The following TESK2 variants were observed in gnomAD, a reference collection of about 807,000 sequenced individuals.
The protein encoded by TESK2 is testis associated actin remodelling kinase 2.
A neutral mutation model predicts 57.1 loss-of-function variants in TESK2; 39 were observed. That is an observed-to-expected ratio of 0.68 (90% confidence interval 0.53 to 0.89). The LOEUF is 0.89. TESK2 is among the 40% of genes least tolerant of loss of function. TESK2 has a pLI of 0.00. For synonymous variants in TESK2, 249 were observed against 267.9 expected, an observed-to-expected ratio of 0.93 and a Z score of 0.69; for missense variants, 646 against 732.1, an observed-to-expected ratio of 0.88 and a Z score of 1.36.
intron 4 of TESK2, among the ~76,000 whole-genome samples, chr1:45,373,413 T>C (rs568015059): frequency 6.6e-6 from 1 of 152,380 alleles, no homozygotes; most frequent in East Asian, 1.9e-4. Flanking sequence ...ATTCACTATA[T>C]TAATACTTTT....
chr1:45,450,943 C>T (rs1651847094), intron 2 of TESK2, among the ~76,000 whole-genome samples: 1 of 152,120 alleles, frequency 6.6e-6, no homozygotes, highest in Admixed American at 6.6e-5. Flanking sequence ...GCTGGGGTTA[C>T]AGGTGTAAGC....
At chr1:45,405,039 C>T (rs915808922) in intron 3 of TESK2, among the ~76,000 whole-genome samples, 6 of 152,180 alleles carry the variant, frequency 3.9e-5, no homozygotes, top group Middle Eastern at 3.4e-3. Context: ...GATTTAGTGC[C>T]TTTGTACTGT....
chr1:45,358,155 T>C (rs1401786357), intron 4 of TESK2, among the ~76,000 whole-genome samples: 1 of 149,122 alleles, frequency 6.7e-6, no homozygotes, highest in Non-Finnish European at 1.5e-5. Flanking sequence ...CTACTAAAAA[T>C]ACAAAAAATT....
intron 2 of TESK2, among the ~76,000 whole-genome samples, chr1:45,444,185 A>G (rs1651560474): frequency 6.6e-6 from 1 of 151,858 alleles, no homozygotes. Flanking sequence ...TTAAAAAAAA[A>G]AAAAAAAGGC....
In TESK2 at chr1:45,386,560, G is replaced by A. The variant is rs1210290310; in HGVS notation, c.345-600C>T. Among the ~76,000 whole-genome samples, 16 of 152,096 alleles carry A rather than the reference G, an allele frequency of 1.1e-4. No homozygotes were observed. In the East Asian group the frequency reaches 3.1e-3, roughly 29 times the overall value. ...TTTCAAGAGTTTTAGGGGTACAGGT[G>A]GTTTTTGGTTATATGGATTAGTTTT... On this transcript the variant is annotated intron_variant, in intron 3 of 10. Coordinates refer to ENST00000372086, the MANE Select transcript of TESK2 (RefSeq NM_007170.3).
intron 1 of TESK2, among the ~76,000 whole-genome samples, chr1:45,485,727 G>C (rs1225161235): frequency 6.8e-6 from 1 of 147,672 alleles, no homozygotes; most frequent in Non-Finnish European, 1.5e-5. Context: ...CACCATCTTG[G>C]CCAGGCTGGT....
rs1553147554 is a variant in TESK2, at chr1:45,384,613, T to TATTA, written c.393+1298_393+1299insTAAT. Among the ~76,000 whole-genome samples, 84 of 135,566 alleles carry TATTA rather than the reference T, an allele frequency of 6.2e-4. 2 individuals are homozygous for TATTA. The highest frequency in any genetic ancestry group is 2.2e-3 in the South Asian group (9 of 4,010). The allele number at this position is 135,566 out of a possible 152,430, so 88.9% of individuals were successfully genotyped here. On this transcript the variant is annotated intron_variant, in intron 4 of 10. Transcript: ENST00000372086. ...TATTAATTTTTTTTTTTTTTTTTTTTTTTTTTTTTTTTTGTAGAGACAGAG... is the reference window on the plus strand; with the variant it reads ...TATTAATTTTTTTTTTTTTTTTTTTTATTATTTTTTTTTTTTTGTAGAGACAGAG...
chr1:45,421,827 C>A lies in TESK2; in HGVS notation c.242G>T (p.Gly81Val). ...EVFKVRHRAS[G>V]QVMALKMNTL... ...GTTCATCTTAAGAGCCATCACCTGA[C>A]CAGAAGCTCGGTGTCGTACCTAGAA... Residue 81 changes from glycine to valine, a missense_variant, in exon 3 of 11, where the codon GGT (glycine) becomes GTT (valine). Physicochemically the swap from Gly to Val is moderately radical, Grantham distance 109. Transcript: ENST00000372086. The A allele has an allele frequency of 6.2e-7, 1 of 1,613,970 alleles. No homozygotes were observed. Among genetic ancestry groups the A allele is most frequent in the Non-Finnish European group, 8.5e-7 (1 of 1,179,984 alleles).
Position 45,419,949 on chromosome 1 carries a change from TCCATAATTTAATA to T in TESK2, c.344+1763_344+1775del, listed in dbSNP as rs1650405051. On this transcript the variant is annotated intron_variant, in intron 3 of 10. Transcript: ENST00000372086. ...TTTCAAGTAAGCAGTATAATTTAATTCCATAATTTAATACCATTGACCAAACATGTAAGTCATA... is the reference window on the plus strand; with the variant it reads ...TTTCAAGTAAGCAGTATAATTTAATTCCATTGACCAAACATGTAAGTCATA... Among the ~76,000 whole-genome samples the T allele has an allele frequency of 1.3e-5, 2 of 152,232 alleles. 1 individual carries two copies. The highest frequency in any genetic ancestry group is 4.1e-4 in the South Asian group (2 of 4,832).
chr1:45,375,329 A>G lies in TESK2; in HGVS notation c.393+10583T>C, dbSNP rs1648357100. On this transcript the variant is annotated intron_variant, in intron 4 of 10. Coordinates refer to ENST00000372086, the MANE Select transcript of TESK2 (RefSeq NM_007170.3). ...CACATCACCCACCTTGGAGTTATTC[A>G]ACCAGACCAGGCACACTTCTGCCTC... is the stretch of plus-strand genomic sequence containing the variant. Among the ~76,000 whole-genome samples the G allele has an allele frequency of 2.0e-5, 3 of 151,918 alleles. No individual in the cohort carries two copies. In the South Asian group the frequency reaches 6.2e-4, roughly 31 times the overall value.
At chr1:45,406,177 G>A (rs1338930805) in intron 3 of TESK2, among the ~76,000 whole-genome samples, 6 of 152,176 alleles carry the variant, frequency 3.9e-5, no homozygotes, top group Non-Finnish European at 8.8e-5. Flanking sequence ...GCTGCAATGA[G>A]CTGTGATCAT....
intron 2 of TESK2, among the ~76,000 whole-genome samples, chr1:45,452,964 G>T (rs1323191258): frequency 6.6e-6 from 1 of 151,756 alleles, no homozygotes; most frequent in Non-Finnish European, 1.5e-5. Context: ...GGATGGGAGA[G>T]TCACTTGAGT....
At chr1:45,484,517 CTT>C (rs1284728221) in intron 1 of TESK2, among the ~76,000 whole-genome samples, 14 of 150,918 alleles carry the variant, frequency 9.3e-5, no homozygotes, top group South Asian at 2.1e-4. Flanking sequence ...GGGCAGATCA[CTT>C]GAGGTCAGGA....
chr1:45,453,607 A>G (rs1201640735), intron 2 of TESK2, among the ~76,000 whole-genome samples: 2 of 152,184 alleles, frequency 1.3e-5, no homozygotes, highest in Non-Finnish European at 2.9e-5. Context: ...AACATTGTGG[A>G]AAATCTTCAT....
chr1:45,346,884 CAG>C (rs2149262567), intron 8 of TESK2, 93 bp downstream of exon 8: 2 of 1,545,136 alleles, frequency 1.3e-6, no homozygotes, highest in Non-Finnish European at 1.8e-6. Context: ...CAACCAGCAA[CAG>C]AGAGTTCCAG....
intron 4 of TESK2, among the ~76,000 whole-genome samples, chr1:45,367,200 G>C (rs1570655021): frequency 6.6e-6 from 1 of 151,946 alleles, no homozygotes. Context: ...ACAAAGAAAG[G>C]CTCAGGCAAA....
At chr1:45,479,618 TTTTA>T (rs1186169439) in intron 1 of TESK2, among the ~76,000 whole-genome samples, 3 of 151,510 alleles carry the variant, frequency 2.0e-5, no homozygotes. Context: ...TATTATTCTA[TTTTA>T]TTTAATTCAG....
In TESK2 at chr1:45,485,522, T is replaced by A. The variant is rs1653436419; in HGVS notation, c.-87+5330A>T. The stretch of plus-strand genomic sequence containing the variant: ...TGTTATATAAATTTATTTTTTATTT[T>A]ATTTTTTTTTTTTTGAGACGGAGTC... On this transcript the variant is annotated intron_variant, in intron 1 of 10. Coordinates refer to ENST00000372086, the MANE Select transcript of TESK2 (RefSeq NM_007170.3). Among the ~76,000 whole-genome samples, 2 of 76,014 alleles carry A rather than the reference T, an allele frequency of 2.6e-5. 1 individual carries two copies. Among genetic ancestry groups the A allele is most frequent in the African/African-American group, 1.2e-4 (2 of 16,336 alleles). 49.9% of individuals were successfully genotyped at this position (76,014 alleles called of 152,430 possible).
In TESK2 at chr1:45,347,710, T is replaced by C. The variant is rs773822481; in HGVS notation, c.624-17A>G. On this transcript the variant is annotated splice_polypyrimidine_tract_variant and intron_variant, in intron 6 of 10. Coordinates refer to ENST00000372086, the MANE Select transcript of TESK2 (RefSeq NM_007170.3). Reference sequence around the variant, plus strand: ...CTCCCCATGCTGTGGGGTGAGATTATACAGAAAATGAGCTTGCCAATGGCT... The same window carrying C: ...CTCCCCATGCTGTGGGGTGAGATTACACAGAAAATGAGCTTGCCAATGGCT... The C allele has an allele frequency of 5.0e-5, 80 of 1,613,194 alleles. No individual in the cohort carries two copies. The highest frequency in any genetic ancestry group is 6.6e-5 in the Non-Finnish European group (78 of 1,179,556).
Sources: allele counts gnomAD v4.1 joint callset (sites outside exome capture counted in the v4.1 genomes callset), GRCh38; gene constraint gnomAD v4.1.1; transcripts MANE v1.5; gene names NCBI Gene and HGNC (gene_info 2026-07-23, HGNC 2026-07-21).